The following GATA3 variants were observed in gnomAD, a reference collection of about 807,000 sequenced individuals.
GATA3 encodes GATA binding protein 3.
GATA3 carries 6 observed loss-of-function variants against 36.0 expected under a neutral mutation model. The observed-to-expected ratio is 0.17, with a 90% CI of 0.09 to 0.33. The LOEUF (loss-of-function observed/expected upper bound fraction) is 0.33, where lower values mean the gene tolerates loss of function less well. GATA3 is among the 10% of genes least tolerant of loss of function. The probability of loss-of-function intolerance (pLI) is 1.00; values close to 1 mark genes in which losing one functional copy is unlikely to be tolerated. For missense variants in GATA3, 514 were observed against 610.1 expected (o/e 0.84, Z 1.66); for synonymous variants, 326 against 273.0 (o/e 1.19, Z -1.92).
At chr10:8,051,073 T>TA, upstream of GATA3, 1 of 527,072 alleles carries the variant, frequency 1.9e-6, no homozygotes, top group Non-Finnish European at 3.9e-6. Flanking sequence ...GCGCCTCCGC[T>TA]CTGCGCCATG....
chr10:8,055,374 T>G lies in GATA3; in HGVS notation c.-282T>G. On this transcript the variant is annotated 5_prime_UTR_variant, in exon 2 of 6. Coordinates refer to ENST00000379328, the MANE Select transcript of GATA3 (RefSeq NM_001002295.2). The surrounding 1 kb of genome is among the most constrained non-coding windows in gnomAD (Gnocchi z 5.4). ...CGCAGAATTGCAGAGTCGTCGCCCC[T>G]TTTTACAACCTGGTCCCGTTTTATT... The G allele has an allele frequency of 1.9e-6, 1 of 524,374 alleles. No individual in the cohort carries two copies. Among genetic ancestry groups the G allele is most frequent in the Non-Finnish European group, 3.4e-6 (1 of 292,292 alleles). The allele number at this position is 524,374 out of a possible 1,614,324, so 32.5% of individuals were successfully genotyped here. A position where few individuals can be genotyped will look rare whatever the true frequency, so the allele number is the denominator to read the frequency against.
intron 3 of GATA3, among the ~76,000 whole-genome samples, chr10:8,059,940 C>T (rs957015604): frequency 2.6e-5 from 4 of 152,166 alleles, no homozygotes; most frequent in African/African-American, 9.7e-5. Flanking sequence ...ATCTTGCCTC[C>T]GCTGTCTCTC....
In GATA3 at chr10:8,055,051, G is replaced by A. The variant is rs1416518086; in HGVS notation, c.-370+160G>A. On this transcript the variant is annotated intron_variant, in intron 1 of 5. Transcript: ENST00000379328. The surrounding 1 kb of genome is among the most constrained non-coding windows in gnomAD (Gnocchi z 5.4). ...ACCGGTGTCCCCGAGGGAGGGACTT[G>A]CCCTCCAAGTCGTAACAGTCAGCCC... 6.6e-6 allele frequency among the ~76,000 whole-genome samples: 1 copy of A among 152,048 alleles called. No homozygotes were observed.
chr10:8,073,755 C>T lies in GATA3; in HGVS notation c.1067C>T (p.Thr356Ile), dbSNP rs1485416728. The T allele has an allele frequency of 6.2e-7, 1 of 1,612,698 alleles. No individual in the cohort carries two copies. ...TTTGTTTAGATTAACAGACCCCTGA[C>T]TATGAAGAAGGAAGGCATCCAGACC... ...YKLHNINRPL[T>I]MKKEGIQTRN... Residue 356 changes from threonine (T) to isoleucine (I), a missense_variant, in exon 6 of 6, where the codon ACT (threonine) becomes ATT (isoleucine). Around this residue, in one of 3 missense-constraint regions of GATA3, gnomAD observed 44 missense variants for 151.5 expected, o/e 0.29. Transcript: ENST00000379328.
At chr10:8,050,745 G>T (rs926373988), upstream of GATA3, 10 of 279,532 alleles carry the variant, frequency 3.6e-5, no homozygotes, top group Admixed American at 2.0e-4. Context: ...TTGCTGCCTC[G>T]CTGGAAATCC....
In GATA3 at chr10:8,064,285, TTTTC is replaced by T. The variant is rs201042786; in HGVS notation, c.924+159_924+162del. 0.47 allele frequency: 285,408 copies of T among 608,758 alleles called. 81,180 individuals are homozygous for T. Among genetic ancestry groups the T allele is most frequent in the East Asian group, 0.63 (18,204 of 28,770 alleles). 37.7% of individuals were successfully genotyped at this position (608,758 alleles called of 1,614,324 possible). ...TTGGGACAGTTTTTTTTTTTTTCCT[TTTTC>T]TTTCTTTCTTTTCTTCTTCTTCTTT... On this transcript the variant is annotated intron_variant, in intron 4 of 5. Coordinates refer to ENST00000379328, the MANE Select transcript of GATA3 (RefSeq NM_001002295.2).
chr10:8,064,842 A>C (rs562753572), intron 4 of GATA3, among the ~76,000 whole-genome samples: 34 of 152,340 alleles, frequency 2.2e-4, no homozygotes, highest in African/African-American at 7.7e-4. Flanking sequence ...CAGTAAGGTG[A>C]TAGTTTTTTC....
Position 8,074,274 on chromosome 10 carries a change from C to CT in GATA3, c.*252dup. The CT allele has an allele frequency of 2.3e-6, 1 of 437,434 alleles. No individual in the cohort carries two copies. The highest frequency in any genetic ancestry group is 3.9e-6 in the Non-Finnish European group (1 of 259,010). The allele number at this position is 437,434 out of a possible 1,614,324, so 27.1% of individuals were successfully genotyped here. The stretch of plus-strand genomic sequence containing the variant: ...CCCCTATTTAACAGGGTCTCTAGTG[C>CT]TGTGAAAAAAAAAATGCTGAACATT... On this transcript the variant is annotated 3_prime_UTR_variant, in exon 6 of 6. Transcript: ENST00000379328.
At chr10:8,059,257 C>T (rs1439149721) in intron 3 of GATA3, among the ~76,000 whole-genome samples, 2 of 152,216 alleles carry the variant, frequency 1.3e-5, no homozygotes, top group African/African-American at 4.8e-5. Context: ...ACAGGTCCCT[C>T]TATGACCCCT....
At chr10:8,070,372 T>A (rs944971759) in intron 5 of GATA3, among the ~76,000 whole-genome samples, 5 of 130,686 alleles carry the variant, frequency 3.8e-5, no homozygotes, top group Non-Finnish European at 4.7e-5. Context: ...TCTTAAAAAA[T>A]TTTTTTTTCA....
upstream of GATA3, among the ~76,000 whole-genome samples, chr10:8,054,409 C>T (rs945223095): frequency 8.5e-5 from 13 of 152,192 alleles, no homozygotes; most frequent in African/African-American, 2.9e-4. The surrounding 1 kb of genome is among the most constrained non-coding windows in gnomAD (Gnocchi z 4.2). Flanking sequence ...CCAGAGCGCG[C>T]GTTCCCTCCC....
At position 8,073,795 on chromosome 10, in the gene GATA3, G is replaced by A. The variant is rs1218538798; in HGVS notation, c.1107G>A (p.Met369Ile). Reference sequence around the variant, plus strand: ...GCATCCAGACCAGAAACCGAAAAATGTCTAGCAAATCCAAAAAGTGCAAAA... The same window carrying A: ...GCATCCAGACCAGAAACCGAAAAATATCTAGCAAATCCAAAAAGTGCAAAA... ...KEGIQTRNRK[M>I]SSKSKKCKKV... The change falls in exon 6 of 6, where the codon ATG (methionine) becomes ATA (isoleucine). Residue 369 changes from methionine to isoleucine, a missense_variant. Around this residue, in one of 3 missense-constraint regions of GATA3, gnomAD observed 89 missense variants for 104.2 expected, o/e 0.85. Transcript: ENST00000379328. 4.3e-6 allele frequency: 7 copies of A among 1,613,960 alleles called. No individual in the cohort carries two copies. Among genetic ancestry groups the A allele is most frequent in the Non-Finnish European group, 5.9e-6 (7 of 1,179,998 alleles).
chr10:8,068,101 T>A (rs1226765702), intron 4 of GATA3, among the ~76,000 whole-genome samples: 1 of 152,214 alleles, frequency 6.6e-6, no homozygotes, highest in East Asian at 1.9e-4. Context: ...CAATGGTTTT[T>A]TTCAGTTTTA....
intron 3 of GATA3, among the ~76,000 whole-genome samples, chr10:8,059,480 A>G (rs560190491): frequency 1.3e-5 from 2 of 152,312 alleles, no homozygotes; most frequent in East Asian, 3.9e-4. Context: ...ATGAAAATCA[A>G]ATGTCGCCTG....
intron 1 of GATA3, among the ~76,000 whole-genome samples, chr10:8,047,196 G>A (rs922207313): frequency 6.6e-6 from 1 of 152,208 alleles, no homozygotes; most frequent in African/African-American, 2.4e-5. Flanking sequence ...GTTGCCCTGG[G>A]TCACACAGAG....
In GATA3 at chr10:8,058,307, A is replaced by G. The variant is rs764989707; in HGVS notation, c.244A>G (p.Ser82Gly). 1.2e-6 allele frequency: 2 copies of G among 1,613,460 alleles called. No homozygotes were observed. Among genetic ancestry groups the G allele is most frequent in the Non-Finnish European group, 1.7e-6 (2 of 1,179,964 alleles). Reference protein sequence around the residue: ...VQRYPPTHHGSQVCRPPLLHG... With the variant: ...VQRYPPTHHGGQVCRPPLLHG... ...GCCCTTTCCCCGTTGCCCCACAGGG[A>G]GCCAGGTGTGCCGCCCGCCTCTGCT... The change falls in exon 3 of 6, where the codon AGC (serine) becomes GGC (glycine). Residue 82 changes from serine to glycine, a missense_variant and splice_region_variant. Ser to Gly is a moderately conservative substitution (Grantham distance 56). Around this residue, in one of 3 missense-constraint regions of GATA3, gnomAD observed 381 missense variants for 354.3 expected, o/e 1.08. Transcript: ENST00000379328.
chr10:8,065,649 C>T (rs944506702), intron 4 of GATA3, among the ~76,000 whole-genome samples: 1 of 150,204 alleles, frequency 6.7e-6, no homozygotes, highest in Non-Finnish European at 1.5e-5. Flanking sequence ...CTGATCTTTG[C>T]CCCCTTCTCC....
intron 4 of GATA3, among the ~76,000 whole-genome samples, chr10:8,067,573 C>A (rs1832862845): frequency 6.6e-6 from 1 of 152,170 alleles, no homozygotes; most frequent in Non-Finnish European, 1.5e-5. Flanking sequence ...AATCCCAGCA[C>A]TTTGGGAGGC....
At chr10:8,049,995 G>C (rs1832443252), upstream of GATA3, among the ~76,000 whole-genome samples, 1 of 152,144 alleles carries the variant, frequency 6.6e-6, no homozygotes, top group Non-Finnish European at 1.5e-5. Context: ...GCGGTCCCGC[G>C]GGCGCCCGGC....
Sources: gnomAD v4.1 joint callset for allele counts (sites outside exome capture counted in the v4.1 genomes callset) on GRCh38, gnomAD v4.1.1 for gene constraint, gnomAD v4.1.1 regional missense constraint, Gnocchi (gnomAD v3.1) non-coding constraint, MANE v1.5 for transcripts, NCBI Gene and HGNC (gene_info 2026-07-23, HGNC 2026-07-21) for gene names.